The following PLXNA1 variants were observed in gnomAD, a reference collection of about 807,000 sequenced individuals.
The protein encoded by PLXNA1 is plexin A1.
Under a neutral mutation model 191.7 loss-of-function variants are expected in PLXNA1, and 77 were observed. That is an observed-to-expected ratio of 0.40 (90% CI 0.33 to 0.49). The LOEUF (loss-of-function observed/expected upper bound fraction) is 0.49. PLXNA1 is among the 20% of genes least tolerant of loss of function. The pLI, the probability that PLXNA1 is intolerant of heterozygous loss-of-function variation, is 0.63. For synonymous variants in PLXNA1, 1,137 were observed against 1,156.4 expected (o/e 0.98, Z 0.34); for missense variants, 2,110 against 2,660.2 (o/e 0.79, Z 4.55).
Position 126,984,019 on chromosome 3 carries a change from C to T in PLXNA1, c.-74+732C>T, listed in dbSNP as rs1376896055. Among the ~76,000 whole-genome samples, 8 of 152,310 alleles carry T rather than the reference C, an allele frequency of 5.3e-5. No homozygotes were observed. In the East Asian group the frequency reaches 1.6e-3, roughly 30 times the overall value. ...TCGGGCCTCCTTGGCCTCCCCCTCT[C>T]GGGGCCTCTCCAGGGTCAGCCGCTT... On this transcript the variant is annotated intron_variant, in intron 1 of 31. Transcript: ENST00000393409.
At chr3:127,018,223 C>A in intron 19 of PLXNA1, 71 bp from the exon 20 acceptor site, 1 of 1,359,280 alleles carries the variant, frequency 7.4e-7, no homozygotes, top group Non-Finnish European at 1.0e-6. Context: ...GTGGGTCTTG[C>A]CCATCGGGAG....
At chr3:127,026,677 T>G (rs2079178043) in intron 23 of PLXNA1, 1 of 152,276 alleles carries the variant, frequency 6.6e-6, no homozygotes, top group Non-Finnish European at 1.5e-5. Context: ...TCTCTCTAAT[T>G]ACCGCAGATG....
At chr3:127,001,470 G>T (rs1182364907) in intron 3 of PLXNA1, among the ~76,000 whole-genome samples, 1 of 152,220 alleles carries the variant, frequency 6.6e-6, no homozygotes, top group Admixed American at 6.5e-5. Flanking sequence ...CCTGGTGCTG[G>T]TAGGGGAGGG....
At chr3:126,985,625 C>T (rs1382146956) in intron 1 of PLXNA1, among the ~76,000 whole-genome samples, 1 of 152,198 alleles carries the variant, frequency 6.6e-6, no homozygotes, top group Non-Finnish European at 1.5e-5. Context: ...TGCCCATGCT[C>T]CCCTCCTAGC....
chr3:126,984,116 C>A (rs547441810), intron 1 of PLXNA1, among the ~76,000 whole-genome samples: 3 of 152,194 alleles, frequency 2.0e-5, no homozygotes. Flanking sequence ...GGCAGCGGGC[C>A]GATCCCGGGC....
chr3:127,008,058 G>C (rs544319451), intron 9 of PLXNA1, 145 bp downstream of exon 9: 9 of 579,862 alleles, frequency 1.6e-5, no homozygotes, highest in Non-Finnish European at 2.4e-5. Flanking sequence ...TGCACCACCA[G>C]GCTGGGTCAG....
At position 127,003,320 on chromosome 3, in the gene PLXNA1, G is replaced by T; in HGVS notation, c.1378-10G>T. ...AGCACAGCTCCAGTTAGGGCCCCTT[G>T]CTGCCGCAGATCCTGGTGGACCTCT... On this transcript the variant is annotated splice_polypyrimidine_tract_variant and intron_variant, in intron 3 of 31. Transcript: ENST00000393409. The T allele has an allele frequency of 6.3e-7, 1 of 1,585,002 alleles. No individual in the cohort carries two copies. Among genetic ancestry groups the T allele is most frequent in the South Asian group, 1.1e-5 (1 of 88,794 alleles).
At chr3:127,022,449 A>G (rs2079156706) in intron 22 of PLXNA1, 108 bp downstream of exon 22, 2 of 1,374,318 alleles carry the variant, frequency 1.5e-6, no homozygotes, top group Admixed American at 2.1e-5. Context: ...CCCACCGGGC[A>G]GGGGTGGGAG....
chr3:127,033,127 A>C (rs553001909), intron 31 of PLXNA1, among the ~76,000 whole-genome samples: 1 of 152,124 alleles, frequency 6.6e-6, no homozygotes, highest in Non-Finnish European at 1.5e-5. Context: ...GTGGTGAGCA[A>C]CTTCCCTGAG....
At chr3:127,005,929 C>G (rs888102404) in intron 7 of PLXNA1, 150 bp from the exon 8 acceptor site, 18 of 697,768 alleles carry the variant, frequency 2.6e-5, no homozygotes, top group African/African-American at 1.6e-4. Flanking sequence ...CCCTGGTCAC[C>G]TGGGGGCTGA....
intron 23 of PLXNA1, among the ~76,000 whole-genome samples, chr3:127,025,622 C>A (rs1443121309): frequency 6.6e-6 from 1 of 152,186 alleles, no homozygotes; most frequent in East Asian, 1.9e-4. Context: ...TCCTCCCCAG[C>A]CCCTGGAACC....
At chr3:127,012,200 T>A in intron 10 of PLXNA1, 42 bp downstream of exon 10, 1 of 1,589,360 alleles carries the variant, frequency 6.3e-7, no homozygotes, top group South Asian at 1.1e-5. Flanking sequence ...TGAGCCGGAA[T>A]GGGCCGGTTA....
At position 127,005,120 on chromosome 3, in the gene PLXNA1, C is replaced by A. The variant is rs201695917; in HGVS notation, c.1774C>A (p.Leu592Ile). Residue 592 changes from leucine (L) to isoleucine (I), a missense_variant, in exon 7 of 32, where the codon CTC (leucine) becomes ATC (isoleucine). This residue lies in a region of PLXNA1 where 903 missense variants were observed against 1,015.7 expected (regional missense o/e 0.89). Transcript: ENST00000393409. ...GCTGCAGGCCTGGAACGTGCCTGAC[C>A]TCTCAGCTGGCGTCAACTGCTCCTT... ...LVLQAWNVPD[L>I]SAGVNCSFED... The A allele has an allele frequency of 1.9e-6, 3 of 1,612,652 alleles. No homozygotes were observed. The highest frequency in any genetic ancestry group is 1.3e-5 in the African/African-American group (1 of 74,932).
chr3:127,014,170 C>T lies in PLXNA1; in HGVS notation c.2411-12C>T. The T allele has an allele frequency of 6.2e-7, 1 of 1,611,610 alleles. No individual in the cohort carries two copies. Among genetic ancestry groups the T allele is most frequent in the South Asian group, 1.1e-5 (1 of 90,998 alleles). ...GTGGGCGGGCCCGAGCTGACCGCAC[C>T]CCTCCCCACAGCGCACCTCTACAAG... On this transcript the variant is annotated splice_polypyrimidine_tract_variant and intron_variant, in intron 11 of 31. Transcript: ENST00000393409.
rs199966550 is a variant in PLXNA1 at position 127,020,360 on chromosome 3, C to T, written c.4038+16C>T. The T allele has an allele frequency of 1.1e-5, 17 of 1,610,640 alleles. No homozygotes were observed. Among genetic ancestry groups the T allele is most frequent in the Admixed American group, 1.7e-5 (1 of 59,868 alleles). ...GGAGATGGAGGTAGGACCACTGGCT[C>T]CGGGGGGTCACAGGAACTCAGAGGC... On this transcript the variant is annotated intron_variant, in intron 21 of 31. Transcript: ENST00000393409.
chr3:126,992,885 A>G (rs1162948754), intron 3 of PLXNA1, among the ~76,000 whole-genome samples: 1 of 151,960 alleles, frequency 6.6e-6, no homozygotes, highest in African/African-American at 2.4e-5. Context: ...CCCTCTCCTC[A>G]CACTGGAAGG....
intron 2 of PLXNA1, 146 bp downstream of exon 2, chr3:126,989,933 G>A (rs2078982629): frequency 1.1e-5 from 8 of 716,296 alleles, no homozygotes; most frequent in South Asian, 1.1e-4. Context: ...GCTAGGTGGG[G>A]CTGCCCTTTT....
chr3:127,005,331 C>T (rs2079061339), intron 7 of PLXNA1, 88 bp downstream of exon 7: 1 of 1,446,514 alleles, frequency 6.9e-7, no homozygotes, highest in Non-Finnish European at 9.3e-7. Flanking sequence ...CTCCCTTGTT[C>T]AGTTCCAAGG....
intron 29 of PLXNA1, among the ~76,000 whole-genome samples, chr3:127,030,663 G>GAAC (rs2079205034): frequency 6.6e-6 from 1 of 152,250 alleles, no homozygotes; most frequent in Non-Finnish European, 1.5e-5. Flanking sequence ...GTGTGCAGGT[G>GAAC]TGAGTGGCTC....
Sources: gnomAD v4.1 joint callset for allele counts (sites outside exome capture counted in the v4.1 genomes callset) on GRCh38, gnomAD v4.1.1 for gene constraint, gnomAD v4.1.1 regional missense constraint, MANE v1.5 for transcripts, NCBI Gene and HGNC (gene_info 2026-07-23, HGNC 2026-07-21) for gene names.